The following ARHGEF10 variants were observed in gnomAD, a reference collection of about 807,000 sequenced individuals.
ARHGEF10 encodes the protein Rho guanine nucleotide exchange factor 10.
Under a neutral mutation model 147.4 loss-of-function variants are expected in ARHGEF10, and 140 were observed. The observed-to-expected ratio is 0.95, with a 90% CI of 0.83 to 1.09. The LOEUF is 1.09. Ranked by LOEUF, ARHGEF10 falls within the 50% of genes least tolerant of loss-of-function variation. The pLI, the probability that ARHGEF10 is intolerant of heterozygous loss-of-function variation, is 0.00. For synonymous variants in ARHGEF10, 902 were observed against 695.8 expected, an observed-to-expected ratio of 1.30 and a Z score of -4.67; for missense variants, 2,222 against 1,752.7, an observed-to-expected ratio of 1.27 and a Z score of -4.78.
intron 2 of ARHGEF10, among the ~76,000 whole-genome samples, chr8:1,844,674 C>T (rs890982287): frequency 1.3e-5 from 2 of 152,114 alleles, no homozygotes; most frequent in Non-Finnish European, 2.9e-5. Flanking sequence ...TGACGTCGGC[C>T]GGTCTCCTTG....
intron 5 of ARHGEF10, among the ~76,000 whole-genome samples, chr8:1,865,827 G>T (rs565402267): frequency 6.6e-6 from 1 of 152,162 alleles, no homozygotes; most frequent in Non-Finnish European, 1.5e-5. Context: ...GTGTCTCTGC[G>T]CTGCCACCGG....
rs1156794808 is a variant in ARHGEF10 at position 1,823,928 on chromosome 8, G to A, written c.-233G>A. The A allele has an allele frequency of 4.6e-5, 7 of 151,756 alleles. No individual in the cohort carries two copies. The East Asian group carries it at 1.4e-3, about 30-fold the overall frequency. The allele number at this position is 151,756 out of a possible 1,614,324, so 9.4% of individuals were successfully genotyped here. A position where few individuals can be genotyped will look rare whatever the true frequency, so the allele number is the denominator to read the frequency against. ...GTGGAGCAGGCCGTCCGGGCGGGAG[G>A]GGCTGGGCGCATCCCTGTAGCCGGC... On this transcript the variant is annotated 5_prime_UTR_variant, in exon 1 of 29. Coordinates refer to ENST00000349830, the MANE Select transcript of ARHGEF10 (RefSeq NM_014629.4).
intron 26 of ARHGEF10, chr8:1,943,804 G>A (rs1225205405): frequency 4.6e-5 from 7 of 152,156 alleles, no homozygotes; most frequent in South Asian, 2.1e-4. Flanking sequence ...GGCATATGGC[G>A]AGAGGTATTA....
intron 26 of ARHGEF10, among the ~76,000 whole-genome samples, chr8:1,936,044 C>T (rs1350155385): frequency 5.9e-5 from 9 of 152,212 alleles, no homozygotes; most frequent in African/African-American, 1.9e-4. Flanking sequence ...GAAAAGGCTA[C>T]ATACTTCCCC....
chr8:1,947,949 C>A (rs752249374), intron 27 of ARHGEF10, among the ~76,000 whole-genome samples: 1 of 152,028 alleles, frequency 6.6e-6, no homozygotes, highest in African/African-American at 2.4e-5. Context: ...CTGCACCCAC[C>A]CAGAAACAGA....
At chr8:1,870,233 A>ATTTTT (rs60029592) in intron 7 of ARHGEF10, 2 of 98,766 alleles carry the variant, frequency 2.0e-5, no homozygotes, top group African/African-American at 4.1e-5. Flanking sequence ...CTTGTTACCG[A>ATTTTT]TTTTTTTTTT....
chr8:1,834,549 G>A (rs966964980), intron 1 of ARHGEF10, among the ~76,000 whole-genome samples: 1 of 152,162 alleles, frequency 6.6e-6, no homozygotes, highest in Non-Finnish European at 1.5e-5. Context: ...GTTCTCCCGA[G>A]TCTTAGAGAA....
chr8:1,914,699 G>A (rs780232766), intron 18 of ARHGEF10, among the ~76,000 whole-genome samples: 9 of 152,186 alleles, frequency 5.9e-5, no homozygotes, highest in Admixed American at 1.3e-4. Context: ...CTGCTTCTGC[G>A]TCATCTGAAC....
rs555218837 is a variant in ARHGEF10, at chr8:1,905,724, C to T, written c.1967+8C>T. On this transcript the variant is annotated splice_region_variant and intron_variant, in intron 17 of 28. Coordinates refer to ENST00000349830, the MANE Select transcript of ARHGEF10 (RefSeq NM_014629.4). ...TGCCACCGTCAGCTCACGGTAAGTG[C>T]ATAAATTCTCTATAGTAGTCCTACC... 1 of 1,613,110 alleles carries T rather than the reference C, an allele frequency of 6.2e-7. No individual in the cohort carries two copies. Among genetic ancestry groups the T allele is most frequent in the African/African-American group, 1.3e-5 (1 of 75,050 alleles).
At chr8:1,940,705 G>A (rs564627617) in intron 26 of ARHGEF10, among the ~76,000 whole-genome samples, 4 of 152,268 alleles carry the variant, frequency 2.6e-5, no homozygotes, top group South Asian at 2.1e-4. Flanking sequence ...CTGTGAGCAC[G>A]GATGCAAAAA....
At chr8:1,871,921 G>A (rs1275353099) in intron 7 of ARHGEF10, among the ~76,000 whole-genome samples, 1 of 152,080 alleles carries the variant, frequency 6.6e-6, no homozygotes, top group Non-Finnish European at 1.5e-5. Flanking sequence ...AAAATAATGG[G>A]CAAGGCAAAA....
intron 1 of ARHGEF10, among the ~76,000 whole-genome samples, chr8:1,825,733 G>A (rs932417470): frequency 6.6e-6 from 1 of 152,106 alleles, no homozygotes; most frequent in Non-Finnish European, 1.5e-5. Context: ...GTCTGATATT[G>A]ATTCCAGTCA....
In ARHGEF10 at chr8:1,883,318, C is replaced by T. The variant is rs567585240; in HGVS notation, c.1075+569C>T. 3.9e-5 allele frequency among the ~76,000 whole-genome samples: 6 copies of T among 152,194 alleles called. No individual in the cohort carries two copies. In the South Asian group the frequency reaches 6.2e-4, roughly 16 times the overall value. On this transcript the variant is annotated intron_variant, in intron 10 of 28. Transcript: ENST00000349830. ...TCATTTACCGTCCGAGGAGACTTCT[C>T]GGAGCCTTTGTGCACGGATGTCCTA... is the stretch of plus-strand genomic sequence containing the variant.
chr8:1,849,762 CACGTGGACATAGAGG>C (rs1804887015), intron 2 of ARHGEF10, among the ~76,000 whole-genome samples: 1 of 122,822 alleles, frequency 8.1e-6, no homozygotes, highest in Non-Finnish European at 1.7e-5. Context: ...GTGGGGCGGC[CACGTGGACATAGAGG>C]GCAAATGCTG....
At chr8:1,867,578 G>T (rs987131450) in intron 6 of ARHGEF10, among the ~76,000 whole-genome samples, 1 of 152,300 alleles carries the variant, frequency 6.6e-6, no homozygotes, top group South Asian at 2.1e-4. Context: ...GTACAATTCA[G>T]AGTAAACCTA....
intron 15 of ARHGEF10, among the ~76,000 whole-genome samples, chr8:1,901,706 T>C (rs1810476881): frequency 6.6e-6 from 1 of 152,228 alleles, no homozygotes; most frequent in South Asian, 2.1e-4. Flanking sequence ...GCTGTCTCCA[T>C]CGCACGCCTA....
chr8:1,908,227 A>ATTTTTTTTTTTTTTT (rs11288174), intron 17 of ARHGEF10, among the ~76,000 whole-genome samples: 8 of 110,078 alleles, frequency 7.3e-5, no homozygotes, highest in Non-Finnish European at 8.8e-5. Flanking sequence ...CCACACTTTG[A>ATTTTTTTTTTTTTTT]TTTTTTTTTT....
At chr8:1,831,478 A>G (rs74831506) in intron 1 of ARHGEF10, among the ~76,000 whole-genome samples, 1 of 145,190 alleles carries the variant, frequency 6.9e-6, no homozygotes, top group Non-Finnish European at 1.5e-5. Flanking sequence ...ACAGTGTGAC[A>G]TCCGTGGAGG....
chr8:1,823,677 GGT>G (rs1444299043), upstream of ARHGEF10, among the ~76,000 whole-genome samples: 1 of 151,866 alleles, frequency 6.6e-6, no homozygotes, highest in Non-Finnish European at 1.5e-5. Context: ...CGCGGCCCGG[GGT>G]CCGCGGGGCA....
Sources: allele counts gnomAD v4.1 joint callset (sites outside exome capture counted in the v4.1 genomes callset), GRCh38; gene constraint gnomAD v4.1.1; transcripts MANE v1.5; gene names NCBI Gene and HGNC (gene_info 2026-07-23, HGNC 2026-07-21).